The following INTS4 variants were observed in gnomAD, a reference collection of about 807,000 sequenced individuals.
INTS4 encodes integrator complex subunit 4.
A neutral mutation model predicts 119.5 loss-of-function variants in INTS4; 70 were observed. That is an observed-to-expected ratio of 0.59 (90% confidence interval 0.48 to 0.71). INTS4 has a LOEUF of 0.71. Among genes scored for constraint, INTS4 ranks in the 30% least tolerant of loss-of-function variants. The probability of loss-of-function intolerance (pLI) is 0.00; values close to 1 mark genes in which losing one functional copy is unlikely to be tolerated. For missense variants in INTS4, 867 were observed against 1,173.2 expected (o/e 0.74, Z 3.81); for synonymous variants, 316 against 419.6 (o/e 0.75, Z 3.02).
At chr11:77,979,243 G>T in intron 3 of INTS4, 141 bp from the exon 4 acceptor site, 1 of 522,412 alleles carries the variant, frequency 1.9e-6, no homozygotes, top group Non-Finnish European at 3.6e-6. Context: ...AGCCTAGGCA[G>T]GAGAATCCCT....
chr11:77,966,244 C>T (rs1398376383), intron 4 of INTS4, among the ~76,000 whole-genome samples: 1 of 152,104 alleles, frequency 6.6e-6, no homozygotes, highest in Non-Finnish European at 1.5e-5. Context: ...TTTTTTACCT[C>T]TATGGGTTGT....
chr11:77,970,924 C>A (rs574485111), intron 4 of INTS4, among the ~76,000 whole-genome samples: 7 of 152,232 alleles, frequency 4.6e-5, no homozygotes, highest in South Asian at 4.1e-4. Context: ...CCTCATGCCT[C>A]AGCCTCCCGA....
chr11:77,974,176 CTT>C (rs1855849450), intron 4 of INTS4, among the ~76,000 whole-genome samples: 1 of 147,254 alleles, frequency 6.8e-6, no homozygotes, highest in South Asian at 2.2e-4. Context: ...TAGTTTTTGT[CTT>C]TCTAATAATT....
chr11:77,879,903 T>C (rs924996420), intron 22 of INTS4, among the ~76,000 whole-genome samples: 1 of 152,176 alleles, frequency 6.6e-6, no homozygotes, highest in African/African-American at 2.4e-5. Flanking sequence ...CTTATCCTGC[T>C]ACATTATGAA....
At chr11:77,902,188 A>G (rs1221668493) in intron 17 of INTS4, among the ~76,000 whole-genome samples, 1 of 152,190 alleles carries the variant, frequency 6.6e-6, no homozygotes. Flanking sequence ...AATTGGCAAT[A>G]AGACAAGTTA....
chr11:77,928,232 G>T, intron 11 of INTS4, 110 bp downstream of exon 11: 1 of 1,135,944 alleles, frequency 8.8e-7, no homozygotes, highest in Admixed American at 2.3e-5. Flanking sequence ...TGAGAAAACA[G>T]AACTGTGCTC....
chr11:77,939,075 G>A (rs576785725), intron 9 of INTS4, among the ~76,000 whole-genome samples: 87 of 152,316 alleles, frequency 5.7e-4, no homozygotes, highest in African/African-American at 2.0e-3. Flanking sequence ...TAAGAAAGTC[G>A]GTTATGTTTG....
intron 21 of INTS4, among the ~76,000 whole-genome samples, chr11:77,886,797 C>T (rs1952032708): frequency 6.6e-6 from 1 of 152,164 alleles, no homozygotes; most frequent in African/African-American, 2.4e-5. Context: ...AAGAAACTCA[C>T]TCAAAACCGC....
chr11:77,969,138 T>C (rs1204036679), intron 4 of INTS4, among the ~76,000 whole-genome samples: 2 of 152,164 alleles, frequency 1.3e-5, no homozygotes, highest in African/African-American at 4.8e-5. Flanking sequence ...TATCACCATG[T>C]TGGCCAGGCT....
chr11:77,915,732 G>A (rs1279101272), intron 15 of INTS4, among the ~76,000 whole-genome samples: 7 of 152,174 alleles, frequency 4.6e-5, no homozygotes, highest in South Asian at 4.1e-4. Context: ...TCACTCACTC[G>A]TGGTATTCCT....
intron 4 of INTS4, chr11:77,977,888 T>C (rs1019941819): frequency 1.3e-5 from 2 of 150,544 alleles, no homozygotes; most frequent in African/African-American, 4.9e-5. Flanking sequence ...GTTTTTTTTG[T>C]TTTTTTGTTT....
intron 10 of INTS4, among the ~76,000 whole-genome samples, chr11:77,928,976 G>A (rs1254672307): frequency 1.7e-4 from 25 of 150,788 alleles, no homozygotes; most frequent in Non-Finnish European, 2.8e-4. Context: ...AGCCATGATC[G>A]TGCCACTACA....
intron 15 of INTS4, among the ~76,000 whole-genome samples, chr11:77,912,228 G>A (rs1488619629): frequency 1.3e-5 from 2 of 152,110 alleles, no homozygotes; most frequent in South Asian, 2.1e-4. Context: ...CAGGTGTGGT[G>A]GAGTGCGCCT....
At chr11:77,980,422 C>T (rs1392889886) in intron 3 of INTS4, among the ~76,000 whole-genome samples, 1 of 152,118 alleles carries the variant, frequency 6.6e-6, no homozygotes, top group Admixed American at 6.6e-5. Flanking sequence ...CTCTGTCACC[C>T]AGGCTGAAAT....
intron 2 of INTS4, among the ~76,000 whole-genome samples, chr11:77,988,988 GA>G (rs1482820075): frequency 6.6e-6 from 1 of 151,956 alleles, no homozygotes; most frequent in Admixed American, 6.6e-5. Context: ...AACAACTACA[GA>G]AATCTAAATA....
intron 4 of INTS4, among the ~76,000 whole-genome samples, chr11:77,966,791 G>T (rs188436416): frequency 5.4e-4 from 82 of 152,206 alleles, no homozygotes; most frequent in African/African-American, 1.8e-3. Context: ...AAACTTTAAA[G>T]ATTTTTTTTC....
chr11:77,990,317 G>C (rs1234323270), intron 2 of INTS4, among the ~76,000 whole-genome samples: 2 of 152,064 alleles, frequency 1.3e-5, no homozygotes, highest in South Asian at 2.1e-4. Context: ...CTTAAGCCCA[G>C]GAGTTCCAGG....
intron 20 of INTS4, 21 bp from the exon 21 acceptor site, chr11:77,891,483 C>T (rs1247359487): frequency 1.2e-6 from 2 of 1,612,824 alleles, no homozygotes; most frequent in East Asian, 2.2e-5. Flanking sequence ...GAGGAAAATC[C>T]TATGATTTTA....
chr11:77,911,933 C>A (rs1259144814), intron 15 of INTS4, among the ~76,000 whole-genome samples: 1 of 152,210 alleles, frequency 6.6e-6, no homozygotes, highest in Non-Finnish European at 1.5e-5. Context: ...AGGACATGAA[C>A]TAGACAGAGT....
Sources: allele counts gnomAD v4.1 joint callset (sites outside exome capture counted in the v4.1 genomes callset), GRCh38; gene constraint gnomAD v4.1.1; transcripts MANE v1.5; gene names NCBI Gene and HGNC (gene_info 2026-07-23, HGNC 2026-07-21).